DPCD: variants seen among roughly 807,000 people sequenced by gnomAD.
DPCD encodes protein DPCD.
Under a neutral mutation model 26.4 loss-of-function variants are expected in DPCD, and 20 were observed. The ratio of observed to expected loss-of-function variants is 0.76; its 90% CI spans 0.53 to 1.10. DPCD has a LOEUF of 1.10. Among genes scored for constraint, DPCD ranks in the 50% least tolerant of loss-of-function variants. The pLI, the probability that DPCD is intolerant of heterozygous loss-of-function variation, is 0.00. For synonymous variants in DPCD, 97 were observed against 94.2 expected, an observed-to-expected ratio of 1.03 and a Z score of -0.17; for missense variants, 202 against 253.9, an observed-to-expected ratio of 0.80 and a Z score of 1.39.
At position 101,609,653 on chromosome 10, in the gene DPCD, A is replaced by T. The variant is rs2063762901; in HGVS notation, c.*182A>T. 3.3e-6 allele frequency: 2 copies of T among 598,284 alleles called. No individual in the cohort carries two copies. Among genetic ancestry groups the T allele is most frequent in the East Asian group, 5.6e-5 (2 of 35,414 alleles). 37.1% of individuals were successfully genotyped at this position (598,284 alleles called of 1,614,324 possible). A position where few individuals can be genotyped will look rare whatever the true frequency, so the allele number is the denominator to read the frequency against. On this transcript the variant is annotated 3_prime_UTR_variant, in exon 6 of 6. Transcript: ENST00000370151. The stretch of plus-strand genomic sequence containing the variant: ...TTCCTGAGTAAAGTCATTCTGAGTT[A>T]CTTACTGCACAGGGACTGCCCTCTT...
At chr10:101,592,745 G>A (rs113001595) in intron 1 of DPCD, among the ~76,000 whole-genome samples, 3,460 of 151,610 alleles carry the variant, frequency 0.023, 146 homozygotes, top group African/African-American at 0.08. Context: ...GCCGGGCGTG[G>A]TGGCTCATGC....
chr10:101,588,676 C>T, intron 1 of DPCD: 1 of 1,241,574 alleles, frequency 8.1e-7, no homozygotes, highest in Non-Finnish European at 1.0e-6. Context: ...ATCTCATTTG[C>T]TCCTCACCAC....
At chr10:101,589,522 C>G (rs548677315) in intron 1 of DPCD, among the ~76,000 whole-genome samples, 7 of 152,310 alleles carry the variant, frequency 4.6e-5, no homozygotes, top group African/African-American at 1.4e-4. Context: ...GTGGGCGGAT[C>G]ATTTGAGCTC....
chr10:101,588,367 C>T lies in DPCD; in HGVS notation c.31C>T (p.Arg11Trp), dbSNP rs1387752484. 3.8e-6 allele frequency: 6 copies of T among 1,597,680 alleles called. No homozygotes were observed. Among genetic ancestry groups the T allele is most frequent in the Non-Finnish European group, 5.1e-6 (6 of 1,170,186 alleles). Reference protein sequence around the residue: MAVTGWLESLRTAQKTALLQD... With the variant: MAVTGWLESLWTAQKTALLQD... Reference sequence around the variant, plus strand: ...GGTGACGGGCTGGTTGGAGAGTCTGCGGACAGCCCAGAAGACTGCGCTGCT... The same window carrying T: ...GGTGACGGGCTGGTTGGAGAGTCTGTGGACAGCCCAGAAGACTGCGCTGCT... The change falls in exon 1 of 6, where the codon CGG (arginine) becomes TGG (tryptophan). Residue 11 changes from arginine (R) to tryptophan (W), a missense_variant. Transcript: ENST00000370151.
chr10:101,588,593 C>T (rs2063527392), intron 1 of DPCD, 193 bp downstream of exon 1: 1 of 1,420,934 alleles, frequency 7.0e-7, no homozygotes, highest in South Asian at 1.5e-5. Context: ...CCGGACACCC[C>T]TTAGATTCCT....
chr10:101,604,699 G>A (rs2063721608), intron 4 of DPCD, among the ~76,000 whole-genome samples: 1 of 152,228 alleles, frequency 6.6e-6, no homozygotes, highest in East Asian at 1.9e-4. Context: ...GTGAGAAGTT[G>A]TTGGGTTAAA....
intron 4 of DPCD, among the ~76,000 whole-genome samples, chr10:101,604,817 A>G (rs2063722491): frequency 6.6e-6 from 1 of 152,216 alleles, no homozygotes; most frequent in South Asian, 2.1e-4. Context: ...GAAATCATAT[A>G]TGTACAGGCC....
At chr10:101,589,024 C>G (rs1011304495) in intron 1 of DPCD, among the ~76,000 whole-genome samples, 1 of 152,252 alleles carries the variant, frequency 6.6e-6, no homozygotes, top group Non-Finnish European at 1.5e-5. Context: ...GGATACCTAA[C>G]TTTTCCCCAC....
At chr10:101,599,640 AAAGT>A (rs1331467233) in intron 2 of DPCD, among the ~76,000 whole-genome samples, 1 of 152,238 alleles carries the variant, frequency 6.6e-6, no homozygotes, top group East Asian at 1.9e-4. Context: ...CAAAAGGTCT[AAAGT>A]AAAACCGCCG....
intron 1 of DPCD, among the ~76,000 whole-genome samples, chr10:101,589,825 A>G (rs553076816): frequency 6.6e-6 from 1 of 152,356 alleles, no homozygotes; most frequent in East Asian, 1.9e-4. Context: ...TGGAGGTTGC[A>G]GTGAACTGAG....
At chr10:101,605,935 A>G (rs1209426021) in intron 4 of DPCD, among the ~76,000 whole-genome samples, 1 of 152,206 alleles carries the variant, frequency 6.6e-6, no homozygotes, top group African/African-American at 2.4e-5. Context: ...AAAAGTGGAT[A>G]ATAGAAGTAA....
At chr10:101,591,808 A>G (rs1021330898) in intron 1 of DPCD, among the ~76,000 whole-genome samples, 2 of 151,800 alleles carry the variant, frequency 1.3e-5, no homozygotes, top group Non-Finnish European at 2.9e-5. Flanking sequence ...CAGTCTCCTG[A>G]GTAGCTGGGA....
intron 2 of DPCD, among the ~76,000 whole-genome samples, chr10:101,595,300 C>T (rs2134759699): frequency 6.6e-6 from 1 of 152,262 alleles, no homozygotes; most frequent in East Asian, 1.9e-4. Context: ...TAAGAACAGG[C>T]TCATGGGTAG....
chr10:101,595,700 C>T (rs1043059300), intron 2 of DPCD, among the ~76,000 whole-genome samples: 1 of 152,188 alleles, frequency 6.6e-6, no homozygotes, highest in African/African-American at 2.4e-5. Flanking sequence ...TTCAGTCGCA[C>T]AGTGAAGTGT....
intron 4 of DPCD, chr10:101,605,298 G>A: frequency 6.6e-7 from 1 of 1,520,246 alleles, no homozygotes; most frequent in Non-Finnish European, 8.8e-7. Context: ...CTGAGGGCCT[G>A]GCCTCTGGTG....
intron 1 of DPCD, among the ~76,000 whole-genome samples, chr10:101,590,312 A>G (rs2063596368): frequency 6.6e-6 from 1 of 152,140 alleles, no homozygotes; most frequent in Non-Finnish European, 1.5e-5. Context: ...CCCTTTTCTC[A>G]AGGAGCAATG....
chr10:101,609,578 C>A lies in DPCD; in HGVS notation c.*107C>A. ...CTGTCTTCTAGGAGCTATCAAGGGT[C>A]TCTAAGAACTGGGCATGGGGCACTC... On this transcript the variant is annotated 3_prime_UTR_variant, in exon 6 of 6. Coordinates refer to ENST00000370151, the MANE Select transcript of DPCD (RefSeq NM_015448.3). 1.1e-6 allele frequency: 1 copy of A among 929,584 alleles called. No individual in the cohort carries two copies. The highest frequency in any genetic ancestry group is 1.6e-5 in the South Asian group (1 of 61,732). The allele number at this position is 929,584 out of a possible 1,614,324, so 57.6% of individuals were successfully genotyped here.
At chr10:101,599,387 AAG>A (rs2063675929) in intron 2 of DPCD, among the ~76,000 whole-genome samples, 1 of 152,158 alleles carries the variant, frequency 6.6e-6, no homozygotes, top group Admixed American at 6.5e-5. Flanking sequence ...TGGGGGAAAA[AAG>A]TTGCCTATAA....
intron 1 of DPCD, among the ~76,000 whole-genome samples, chr10:101,592,941 G>A (rs3924011): frequency 0.24 from 36,334 of 150,190 alleles, 4,707 homozygotes; most frequent in Non-Finnish European, 0.29. Context: ...TTAAACCCGG[G>A]AGGCAGAGGT....
Sources: allele counts gnomAD v4.1 joint callset (sites outside exome capture counted in the v4.1 genomes callset), GRCh38; gene constraint gnomAD v4.1.1; transcripts MANE v1.5; gene names NCBI Gene and HGNC (gene_info 2026-07-23, HGNC 2026-07-21).